The following RNGTT variants were observed in gnomAD, a reference collection of about 807,000 sequenced individuals.
RNGTT encodes the protein RNA guanylyltransferase and 5'-phosphatase, also known as mRNA-capping enzyme.
Under a neutral mutation model 79.3 loss-of-function variants are expected in RNGTT, and 33 were observed. The ratio of observed to expected loss-of-function variants is 0.42; its 90% CI spans 0.32 to 0.56. RNGTT has a LOEUF of 0.56. Among genes scored for constraint, RNGTT ranks in the 20% least tolerant of loss-of-function variants. RNGTT has a pLI of 0.17. For synonymous variants in RNGTT, 222 were observed against 235.9 expected (o/e 0.94, Z 0.54); for missense variants, 497 against 739.1 (o/e 0.67, Z 3.80).
intron 1 of RNGTT, 28 bp downstream of exon 1, chr6:88,963,318 G>T: frequency 6.2e-7 from 1 of 1,611,394 alleles, no homozygotes; most frequent in Non-Finnish European, 8.5e-7. Context: ...GGAGTGTGGG[G>T]ATTCGAACGC....
At chr6:88,860,645 C>T (rs781521630) in intron 8 of RNGTT, among the ~76,000 whole-genome samples, 1 of 151,984 alleles carries the variant, frequency 6.6e-6, no homozygotes, top group Non-Finnish European at 1.5e-5. Flanking sequence ...TTATTTATTC[C>T]GTTGCATAAA....
At chr6:88,904,458 C>T (rs1241897352) in intron 6 of RNGTT, among the ~76,000 whole-genome samples, 1 of 151,878 alleles carries the variant, frequency 6.6e-6, no homozygotes, top group Non-Finnish European at 1.5e-5. Context: ...CACATGTCTA[C>T]AGTCCCAGCT....
intron 12 of RNGTT, among the ~76,000 whole-genome samples, chr6:88,776,106 C>G (rs1203374897): frequency 6.6e-6 from 1 of 152,080 alleles, no homozygotes; most frequent in African/African-American, 2.4e-5. Flanking sequence ...GTTTGAGGAG[C>G]CTCCATACTG....
chr6:88,813,199 T>C (rs557657806), intron 11 of RNGTT, among the ~76,000 whole-genome samples: 1 of 152,344 alleles, frequency 6.6e-6, no homozygotes, highest in East Asian at 1.9e-4. Context: ...CGATATGGCC[T>C]ACTGGCGTTT....
At chr6:88,959,768 T>G (rs551325463) in intron 1 of RNGTT, among the ~76,000 whole-genome samples, 1 of 152,110 alleles carries the variant, frequency 6.6e-6, no homozygotes, top group Non-Finnish European at 1.5e-5. Context: ...AAAACTGCAA[T>G]TGTATGCCAC....
At chr6:88,911,034 G>GT (rs775252786) in intron 4 of RNGTT, among the ~76,000 whole-genome samples, 19 of 152,004 alleles carry the variant, frequency 1.2e-4, no homozygotes, top group Admixed American at 3.3e-4. Flanking sequence ...AAAAATACAC[G>GT]TAAGTACACA....
intron 14 of RNGTT, among the ~76,000 whole-genome samples, chr6:88,672,729 A>T (rs1042554888): frequency 2.6e-5 from 4 of 152,314 alleles, no homozygotes; most frequent in Middle Eastern, 3.4e-3. Context: ...AAAAAAGTTG[A>T]AATAACTTCC....
At chr6:88,797,890 C>T (rs990478727) in intron 12 of RNGTT, among the ~76,000 whole-genome samples, 3 of 52,844 alleles carry the variant, frequency 5.7e-5, no homozygotes, top group Non-Finnish European at 1.1e-4. Flanking sequence ...GTATAAAATA[C>T]AAAACCAAAA....
chr6:88,651,956 T>C (rs1210476068), intron 14 of RNGTT, among the ~76,000 whole-genome samples: 1 of 152,166 alleles, frequency 6.6e-6, no homozygotes, highest in East Asian at 1.9e-4. Context: ...TAAATATGTA[T>C]ATATACATGT....
chr6:88,875,316 G>A (rs1055081634), intron 8 of RNGTT, among the ~76,000 whole-genome samples: 3 of 151,890 alleles, frequency 2.0e-5, no homozygotes, highest in Non-Finnish European at 4.4e-5. Context: ...ATAATGTCTC[G>A]AGAAACCAAA....
At chr6:88,859,772 T>C (rs1039081767) in intron 8 of RNGTT, among the ~76,000 whole-genome samples, 2 of 152,064 alleles carry the variant, frequency 1.3e-5, no homozygotes, top group African/African-American at 4.8e-5. Flanking sequence ...CTATTGGAGG[T>C]GTCCTTACAG....
At chr6:88,874,301 T>C (rs1424147907) in intron 8 of RNGTT, among the ~76,000 whole-genome samples, 1 of 152,108 alleles carries the variant, frequency 6.6e-6, no homozygotes, top group East Asian at 1.9e-4. Flanking sequence ...GAATAAAATT[T>C]AAAAGCCACT....
intron 10 of RNGTT, among the ~76,000 whole-genome samples, chr6:88,848,930 T>G (rs1294848328): frequency 2.6e-5 from 4 of 152,010 alleles, no homozygotes; most frequent in African/African-American, 9.7e-5. Flanking sequence ...GTGAAATTTT[T>G]CATATTTTTA....
chr6:88,839,562 T>C (rs1781196657), intron 11 of RNGTT, among the ~76,000 whole-genome samples: 1 of 151,908 alleles, frequency 6.6e-6, no homozygotes, highest in Non-Finnish European at 1.5e-5. Context: ...AGAGCAAGAC[T>C]CTGTTTCGAA....
chr6:88,742,973 T>G (rs772604998), intron 13 of RNGTT, among the ~76,000 whole-genome samples: 52 of 152,176 alleles, frequency 3.4e-4, no homozygotes, highest in Non-Finnish European at 6.8e-4. Flanking sequence ...AAGCAATGTC[T>G]CAGAAGAAAT....
intron 4 of RNGTT, among the ~76,000 whole-genome samples, chr6:88,920,703 A>T (rs951722204): frequency 1.3e-5 from 2 of 152,204 alleles, no homozygotes; most frequent in African/African-American, 4.8e-5. Context: ...GCAGTCAAGC[A>T]ATTTTAACCT....
intron 14 of RNGTT, among the ~76,000 whole-genome samples, chr6:88,655,649 C>T (rs1211888227): frequency 6.6e-6 from 1 of 152,144 alleles, no homozygotes; most frequent in Non-Finnish European, 1.5e-5. Context: ...TTACTTTCCA[C>T]ATATGGTTGC....
chr6:88,618,861 G>C (rs1343357076), intron 14 of RNGTT, among the ~76,000 whole-genome samples: 1 of 152,180 alleles, frequency 6.6e-6, no homozygotes, highest in East Asian at 1.9e-4. Context: ...ACTCTTGCCT[G>C]AGCAATTATT....
At chr6:88,911,228 C>T (rs972682472) in intron 4 of RNGTT, among the ~76,000 whole-genome samples, 13 of 152,134 alleles carry the variant, frequency 8.5e-5, no homozygotes, top group Admixed American at 8.5e-4. Flanking sequence ...AAGACCCATC[C>T]TTCTGCTATC....
Sources: gnomAD v4.1 joint callset for allele counts (sites outside exome capture counted in the v4.1 genomes callset) on GRCh38, gnomAD v4.1.1 for gene constraint, MANE v1.5 for transcripts, NCBI Gene and HGNC (gene_info 2026-07-23, HGNC 2026-07-21) for gene names.